The following ANKRD28 variants were observed in gnomAD, a reference collection of about 807,000 sequenced individuals.
ANKRD28 encodes serine/threonine-protein phosphatase 6 regulatory ankyrin repeat subunit A.
A neutral mutation model predicts 126.5 loss-of-function variants in ANKRD28; 44 were observed. That is an observed-to-expected ratio of 0.35 (90% CI 0.27 to 0.45). The LOEUF (loss-of-function observed/expected upper bound fraction) is 0.45. ANKRD28 is among the 20% of genes least tolerant of loss of function. ANKRD28 has a pLI of 1.00. For missense variants in ANKRD28, 1,110 were observed against 1,316.6 expected (o/e 0.84, Z 2.43); for synonymous variants, 442 against 468.5 (o/e 0.94, Z 0.73).
chr3:15,696,270 TG>T (rs758972606), intron 14 of ANKRD28, 25 bp from the exon 15 acceptor site: 1 of 1,405,286 alleles, frequency 7.1e-7, no homozygotes, highest in Non-Finnish European at 9.8e-7. Context: ...AACAACATAC[TG>T]AAAATCCTAA....
intron 1 of ANKRD28, among the ~76,000 whole-genome samples, chr3:15,856,663 C>A (rs1382621078): frequency 6.6e-6 from 1 of 152,122 alleles, no homozygotes; most frequent in Non-Finnish European, 1.5e-5. Context: ...ACTTCTTACC[C>A]CCATAATTAG....
chr3:15,856,880 C>T (rs1279493346), intron 1 of ANKRD28, among the ~76,000 whole-genome samples: 1 of 152,176 alleles, frequency 6.6e-6, no homozygotes, highest in African/African-American at 2.4e-5. Context: ...ACAAGGTGAA[C>T]AGCGAAACAG....
chr3:15,819,137 G>T (rs2060890641), intron 1 of ANKRD28, among the ~76,000 whole-genome samples: 1 of 152,090 alleles, frequency 6.6e-6, no homozygotes, highest in Non-Finnish European at 1.5e-5. Context: ...AATTAAGCAG[G>T]CATGATGGCG....
At chr3:15,769,152 A>G (rs2058882246) in intron 2 of ANKRD28, among the ~76,000 whole-genome samples, 1 of 152,184 alleles carries the variant, frequency 6.6e-6, no homozygotes, top group Non-Finnish European at 1.5e-5. Flanking sequence ...ACAACACAGA[A>G]AGTGAGTCAT....
intron 3 of ANKRD28, among the ~76,000 whole-genome samples, chr3:15,760,319 C>T (rs1346005095): frequency 6.6e-6 from 1 of 152,160 alleles, no homozygotes; most frequent in Non-Finnish European, 1.5e-5. Flanking sequence ...CACACCTGCG[C>T]ATGTACTCCT....
Position 15,690,021 on chromosome 3 carries a change from G to A in ANKRD28, c.1961C>T (p.Ala654Val), listed in dbSNP as rs748867105. ...ATCAAGCATAATATCTGGCATACCT[G>A]CTGCATGAATAGGTGTCCTCTTCAA... ...YILKRTPIHA[A>V]ATNGHSECLR... The change falls in exon 18 of 28, where the codon GCA (alanine) becomes GTA (valine). Residue 654 changes from alanine (A) to valine (V), a missense_variant and splice_region_variant. Physicochemically the swap from Ala to Val is moderately conservative, Grantham distance 64. Coordinates refer to ENST00000683139, the MANE Select transcript of ANKRD28 (RefSeq NM_001349278.2). The A allele has an allele frequency of 1.2e-6, 2 of 1,604,362 alleles. No individual in the cohort carries two copies. The highest frequency in any genetic ancestry group is 1.3e-5 in the African/African-American group (1 of 74,908).
intron 12 of ANKRD28, among the ~76,000 whole-genome samples, chr3:15,710,036 G>GT (rs34686530): frequency 0.8 from 117,305 of 146,296 alleles, 47,017 homozygotes; most frequent in East Asian, 0.91. Flanking sequence ...TTGCTTATAG[G>GT]TTTTTTTTTT....
In ANKRD28 at chr3:15,669,994, T is replaced by C. The variant is rs772316693; in HGVS notation, c.*276A>G. The C allele has an allele frequency of 2.4e-5, 9 of 374,934 alleles. No homozygotes were observed. The highest frequency in any genetic ancestry group is 8.1e-5 in the Admixed American group (2 of 24,562). 23.2% of individuals were successfully genotyped at this position (374,934 alleles called of 1,614,324 possible). A position where few individuals can be genotyped will look rare whatever the true frequency, so the allele number is the denominator to read the frequency against. ...AGGTTAGAGTGCACAGTGTCCCCAA[T>C]TGTTCCTGGCACTGCAAAACCAAAT... On this transcript the variant is annotated 3_prime_UTR_variant, in exon 28 of 28. Coordinates refer to ENST00000683139, the MANE Select transcript of ANKRD28 (RefSeq NM_001349278.2).
intron 11 of ANKRD28, among the ~76,000 whole-genome samples, chr3:15,711,479 C>G (rs2072267031): frequency 6.6e-6 from 1 of 152,102 alleles, no homozygotes; most frequent in Non-Finnish European, 1.5e-5. Context: ...TGATACTGTT[C>G]CATGAATAAC....
chr3:15,822,179 G>C (rs966948512), intron 1 of ANKRD28, among the ~76,000 whole-genome samples: 1 of 152,170 alleles, frequency 6.6e-6, no homozygotes, highest in African/African-American at 2.4e-5. Context: ...TCAGCTCTGC[G>C]CAAGTAAAAA....
At chr3:15,686,144 AGT>A in intron 19 of ANKRD28, 25 bp from the exon 20 acceptor site, 1 of 1,606,958 alleles carries the variant, frequency 6.2e-7, no homozygotes, top group Non-Finnish European at 8.5e-7. Flanking sequence ...GAATAGGTTC[AGT>A]GCTGTCACTT....
At chr3:15,752,629 T>C (rs929936731) in intron 3 of ANKRD28, among the ~76,000 whole-genome samples, 5 of 152,220 alleles carry the variant, frequency 3.3e-5, no homozygotes, top group African/African-American at 9.6e-5. Context: ...CTTGGAAGTA[T>C]AGAACTGGCT....
chr3:15,753,519 A>G (rs1156291735), intron 3 of ANKRD28, among the ~76,000 whole-genome samples: 1 of 152,220 alleles, frequency 6.6e-6, no homozygotes, highest in Non-Finnish European at 1.5e-5. Flanking sequence ...TAGAACGGAA[A>G]GCTCTGGCAG....
rs528845389 is a variant in ANKRD28 at position 15,759,991 on chromosome 3, G to T, written c.280+6243C>A. 1.1e-4 allele frequency among the ~76,000 whole-genome samples: 16 copies of T among 152,204 alleles called. 1 individual carries two copies. In the South Asian group the frequency reaches 3.1e-3, roughly 30 times the overall value. ...CAGTGCTAAAAAAGAGACCAAGAAGGCATCTTTATTAATTTTTTACCCAGC... is the reference window on the plus strand; with the variant it reads ...CAGTGCTAAAAAAGAGACCAAGAAGTCATCTTTATTAATTTTTTACCCAGC... On this transcript the variant is annotated intron_variant, in intron 3 of 27. Coordinates refer to ENST00000683139, the MANE Select transcript of ANKRD28 (RefSeq NM_001349278.2).
intron 6 of ANKRD28, among the ~76,000 whole-genome samples, chr3:15,727,248 C>T (rs528841971): frequency 1.0e-3 from 159 of 152,154 alleles, no homozygotes; most frequent in Non-Finnish European, 2.0e-3. Context: ...AAATTGAAAA[C>T]CTTCTGGAAA....
intron 3 of ANKRD28, among the ~76,000 whole-genome samples, chr3:15,760,690 A>G (rs1373756745): frequency 1.3e-5 from 2 of 152,220 alleles, no homozygotes; most frequent in Non-Finnish European, 1.5e-5. Context: ...AGATAAGACA[A>G]TGTAGAGAGA....
At chr3:15,718,290 T>C (rs78720617) in intron 8 of ANKRD28, among the ~76,000 whole-genome samples, 3,719 of 152,310 alleles carry the variant, frequency 0.024, 154 homozygotes, top group African/African-American at 0.083. Flanking sequence ...GAAGTTAAGA[T>C]GACTTTCGTG....
intron 1 of ANKRD28, among the ~76,000 whole-genome samples, chr3:15,835,611 G>A (rs1186161179): frequency 1.3e-5 from 2 of 152,152 alleles, no homozygotes; most frequent in African/African-American, 4.8e-5. Flanking sequence ...ATAAGAATAA[G>A]GTTCAAGTCT....
At chr3:15,764,871 A>G (rs751217993) in intron 3 of ANKRD28, among the ~76,000 whole-genome samples, 60 of 152,224 alleles carry the variant, frequency 3.9e-4, no homozygotes, top group Non-Finnish European at 7.6e-4. Context: ...AGCCAGGTCC[A>G]TGTTTAACCA....
Sources: allele counts gnomAD v4.1 joint callset (sites outside exome capture counted in the v4.1 genomes callset), GRCh38; gene constraint gnomAD v4.1.1; transcripts MANE v1.5; gene names NCBI Gene and HGNC (gene_info 2026-07-23, HGNC 2026-07-21).